The following CDC42SE2 variants were observed in gnomAD, a reference collection of about 807,000 sequenced individuals.
CDC42SE2 encodes CDC42 small effector 2.
CDC42SE2 carries 3 observed loss-of-function variants against 11.5 expected under a neutral mutation model. That is an observed-to-expected ratio of 0.26 (90% CI 0.12 to 0.67). The LOEUF is 0.67. CDC42SE2 is among the 30% of genes least tolerant of loss of function. The pLI is 0.80. For missense variants in CDC42SE2, 82 were observed against 106.8 expected, an observed-to-expected ratio of 0.77 and a Z score of 1.02; for synonymous variants, 33 against 34.8, an observed-to-expected ratio of 0.95 and a Z score of 0.18.
At chr5:131,320,390 T>C (rs1184846184) in intron 2 of CDC42SE2, among the ~76,000 whole-genome samples, 2 of 150,210 alleles carry the variant, frequency 1.3e-5, no homozygotes, top group Admixed American at 1.3e-4. Context: ...AGACTCTGTC[T>C]CAAAAAATAA....
intron 3 of CDC42SE2, among the ~76,000 whole-genome samples, chr5:131,372,143 A>G (rs1390403067): frequency 6.6e-6 from 1 of 152,190 alleles, no homozygotes; most frequent in African/African-American, 2.4e-5. Flanking sequence ...GCATATATTC[A>G]AAAGTCATTA....
intron 1 of CDC42SE2, among the ~76,000 whole-genome samples, chr5:131,287,286 C>T (rs1298203396): frequency 6.6e-6 from 1 of 152,004 alleles, no homozygotes; most frequent in Non-Finnish European, 1.5e-5. Context: ...TGAGTCACCT[C>T]GCCCGGCCTT....
intron 1 of CDC42SE2, among the ~76,000 whole-genome samples, chr5:131,250,362 A>G (rs1756630180): frequency 6.6e-6 from 1 of 152,246 alleles, no homozygotes; most frequent in Admixed American, 6.5e-5. Context: ...AGTTGAAAAG[A>G]ATAGGTTCTA....
intron 2 of CDC42SE2, among the ~76,000 whole-genome samples, chr5:131,339,580 G>C (rs963958657): frequency 1.1e-4 from 16 of 152,106 alleles, no homozygotes; most frequent in African/African-American, 3.6e-4. Context: ...GCTAAGGCGG[G>C]CAGATCATCT....
At chr5:131,268,752 TGC>T (rs1756926924) in intron 1 of CDC42SE2, among the ~76,000 whole-genome samples, 1 of 122,542 alleles carries the variant, frequency 8.2e-6, no homozygotes, top group Non-Finnish European at 1.7e-5. Flanking sequence ...ACACCCGGAT[TGC>T]TTTTTTTTTT....
chr5:131,230,780 T>C, the CDC42SE2 span, among the ~76,000 whole-genome samples: 1 of 152,358 alleles, frequency 6.6e-6, no homozygotes, highest in Middle Eastern at 3.4e-3. Context: ...CTATTCGTAG[T>C]CTTCCAAGGG....
intron 1 of CDC42SE2, among the ~76,000 whole-genome samples, chr5:131,276,310 C>A (rs991935419): frequency 7.3e-5 from 11 of 150,408 alleles, no homozygotes; most frequent in African/African-American, 2.7e-4. Flanking sequence ...GAAAAATTAG[C>A]CAGGCCTGTA....
intron 2 of CDC42SE2, among the ~76,000 whole-genome samples, chr5:131,338,039 G>C (rs1279541304): frequency 6.6e-6 from 1 of 152,236 alleles, no homozygotes; most frequent in African/African-American, 2.4e-5. Flanking sequence ...CCCATCTTCT[G>C]CGTCGCTCAC....
At chr5:131,218,195 G>T in the CDC42SE2 span, among the ~76,000 whole-genome samples, 3 of 140,330 alleles carry the variant, frequency 2.1e-5, no homozygotes, top group African/African-American at 8.2e-5. Flanking sequence ...AAAAAAAAAA[G>T]AGGAAGAAGA....
chr5:131,221,111 C>A, the CDC42SE2 span, among the ~76,000 whole-genome samples: 1 of 151,992 alleles, frequency 6.6e-6, no homozygotes, highest in Non-Finnish European at 1.5e-5. Flanking sequence ...GTCTCAAACT[C>A]CTGACCTCAT....
chr5:131,238,916 G>A, the CDC42SE2 span, among the ~76,000 whole-genome samples: 2 of 151,992 alleles, frequency 1.3e-5, no homozygotes, highest in Non-Finnish European at 2.9e-5. Flanking sequence ...CCAGCACTTT[G>A]GGAGGCTGAG....
At chr5:131,296,437 A>G (rs564795774) in intron 1 of CDC42SE2, among the ~76,000 whole-genome samples, 1 of 152,180 alleles carries the variant, frequency 6.6e-6, no homozygotes, top group Admixed American at 6.5e-5. Context: ...CAGGGTGTCA[A>G]CAGCGCTGTG....
the CDC42SE2 span, among the ~76,000 whole-genome samples, chr5:131,211,023 A>C: frequency 6.6e-6 from 1 of 152,174 alleles, no homozygotes; most frequent in Non-Finnish European, 1.5e-5. Flanking sequence ...TTTTTAGTAG[A>C]GATGAGGTTT....
chr5:131,294,718 G>A (rs931671535), intron 1 of CDC42SE2, among the ~76,000 whole-genome samples: 13 of 152,212 alleles, frequency 8.5e-5, no homozygotes, highest in South Asian at 4.1e-4. Flanking sequence ...ATGGCCGGGC[G>A]TGGTGGCTCA....
At chr5:131,348,899 C>T (rs1758925895) in intron 2 of CDC42SE2, among the ~76,000 whole-genome samples, 1 of 152,184 alleles carries the variant, frequency 6.6e-6, no homozygotes, top group Admixed American at 6.5e-5. Flanking sequence ...AAAGGATTCC[C>T]TGTTTAATAA....
chr5:131,264,506 C>A lies in CDC42SE2; in HGVS notation c.-455+340C>A, dbSNP rs552136473. On this transcript the variant is annotated intron_variant, in intron 1 of 4. Transcript: ENST00000505065. ...GGAAAGGCAGACCCCCCCCCTCCCC[C>A]CAACTTTTCACGTCTGGAAGTCGGG... Among the ~76,000 whole-genome samples, 19 of 151,596 alleles carry A rather than the reference C, an allele frequency of 1.3e-4. No individual in the cohort carries two copies. In the South Asian group the frequency reaches 3.1e-3, roughly 25 times the overall value.
At chr5:131,366,133 T>TA (rs1276695064) in intron 3 of CDC42SE2, among the ~76,000 whole-genome samples, 1 of 152,216 alleles carries the variant, frequency 6.6e-6, no homozygotes, top group Non-Finnish European at 1.5e-5. Flanking sequence ...TCCCCTGCCT[T>TA]AGGACTGACT....
At chr5:131,243,543 G>A (rs933413065), upstream of CDC42SE2, among the ~76,000 whole-genome samples, 4 of 152,132 alleles carry the variant, frequency 2.6e-5, no homozygotes, top group Non-Finnish European at 5.9e-5. Flanking sequence ...CCGAGATCGC[G>A]CCACTGCACT....
intron 1 of CDC42SE2, among the ~76,000 whole-genome samples, chr5:131,278,714 CCCCTCCCCTCCCCCCT>C (rs1757159447): frequency 3.8e-4 from 17 of 44,528 alleles, no homozygotes; most frequent in East Asian, 1.4e-3. Context: ...CCTTTCCTCT[CCCCTCCCCTCCCCCCT>C]CCCCTCCCCT....
Sources: allele counts gnomAD v4.1 joint callset (sites outside exome capture counted in the v4.1 genomes callset), GRCh38; gene constraint gnomAD v4.1.1; transcripts MANE v1.5; gene names NCBI Gene and HGNC (gene_info 2026-07-23, HGNC 2026-07-21).